VCL: variants seen among roughly 807,000 people sequenced by gnomAD.
The protein encoded by VCL is vinculin, also known as epididymis luminal protein 114.
VCL carries 47 observed loss-of-function variants against 125.7 expected under a neutral mutation model. The observed-to-expected ratio is 0.37, with a 90% confidence interval of 0.30 to 0.48. The LOEUF is 0.48. Ranked by LOEUF, VCL falls within the 20% of genes least tolerant of loss-of-function variation. The probability of loss-of-function intolerance (pLI) is 0.99; values close to 1 mark genes in which losing one functional copy is unlikely to be tolerated. For synonymous variants in VCL, 458 were observed against 514.6 expected, an observed-to-expected ratio of 0.89 and a Z score of 1.49; for missense variants, 1,069 against 1,455.5, an observed-to-expected ratio of 0.73 and a Z score of 4.32.
chr10:74,013,531 T>C (rs1332965813), intron 1 of VCL, among the ~76,000 whole-genome samples: 1 of 151,952 alleles, frequency 6.6e-6, no homozygotes, highest in Non-Finnish European at 1.5e-5. Flanking sequence ...ACTTTAGATA[T>C]AGATACTAGA....
intron 19 of VCL, 113 bp downstream of exon 19, chr10:74,112,225 G>A (rs919058133): frequency 2.0e-5 from 28 of 1,376,158 alleles, no homozygotes; most frequent in Admixed American, 1.3e-4. Flanking sequence ...TGAGCAGGGC[G>A]GGCATCTGTC....
In VCL at chr10:74,097,389, G is replaced by A; in HGVS notation, c.1872+57G>A. On this transcript the variant is annotated intron_variant, in intron 13 of 21. Transcript: ENST00000211998. The surrounding 1 kb of genome is among the most constrained non-coding windows in gnomAD (Gnocchi z 4.1). ...AGCCTGTGCTATAGGTATATGTAAA[G>A]GTGAAATGTGATTACAGTGGACATC... 3 of 1,596,012 alleles carry A rather than the reference G, an allele frequency of 1.9e-6. No individual in the cohort carries two copies. The highest frequency in any genetic ancestry group is 2.6e-6 in the Non-Finnish European group (3 of 1,173,762).
rs1441017178 is a variant in VCL at position 74,105,258 on chromosome 10, G to A, written c.2339G>A (p.Arg780His). The A allele has an allele frequency of 1.9e-6, 3 of 1,614,052 alleles. No individual in the cohort carries two copies. Among genetic ancestry groups the A allele is most frequent in the Admixed American group, 1.7e-5 (1 of 60,018 alleles). Reference sequence around the variant, plus strand: ...GAGAATTCCGAGGATCCCAAGTTCCGTGAGGCTGTGAAAGCTGCCTCTGAT... The same window carrying A: ...GAGAATTCCGAGGATCCCAAGTTCCATGAGGCTGTGAAAGCTGCCTCTGAT... ...EVENSEDPKF[R>H]EAVKAASDEL... The change falls in exon 16 of 22, where the codon CGT becomes CAT. Residue 780 changes from arginine to histidine, a missense_variant. Arg to His is a conservative substitution (Grantham distance 29, BLOSUM62 0). Transcript: ENST00000211998.
chr10:74,104,004 T>A, intron 15 of VCL, 76 bp downstream of exon 15: 1 of 1,420,778 alleles, frequency 7.0e-7, no homozygotes, highest in East Asian at 2.3e-5. Context: ...GGACTGGTTC[T>A]GTTACTCAGC....
chr10:73,998,425 G>C, intron 1 of VCL, 50 bp downstream of exon 1: 7 of 1,321,198 alleles, frequency 5.3e-6, no homozygotes, highest in Non-Finnish European at 6.7e-6. Flanking sequence ...GTATCCCCGG[G>C]GCCCCGGCCC....
rs1392784581 is a variant in VCL, at chr10:74,114,333, C to T, written c.3099C>T (p.Ala1033=). The change falls in exon 20 of 22, where the codon GCC becomes GCT. Residue 1033 remains alanine (A), a synonymous_variant. Coordinates refer to ENST00000211998, the MANE Select transcript of VCL (RefSeq NM_014000.3). ...CCTCAGATGAGGTGACTCGGTTGGC[C>T]AAGGAGGTTGCCAAGCAGTGCACAG... The part of the protein sequence containing the change: ...AKASDEVTRL[A]KEVAKQCTDK... 3.1e-6 allele frequency: 5 copies of T among 1,613,668 alleles called. No homozygotes were observed. The highest frequency in any genetic ancestry group is 4.2e-6 in the Non-Finnish European group (5 of 1,180,006).
intron 2 of VCL, among the ~76,000 whole-genome samples, chr10:74,061,293 A>C (rs1307375227): frequency 6.6e-6 from 1 of 152,192 alleles, no homozygotes; most frequent in African/African-American, 2.4e-5. Flanking sequence ...AATGCCATTA[A>C]ATTTTAATGT....
chr10:74,076,853 TAAG>T (rs1372963766), intron 6 of VCL: 6 of 152,642 alleles, frequency 3.9e-5, no homozygotes, highest in African/African-American at 1.2e-4. Context: ...CAAAAAGTAA[TAAG>T]GAGGAACAGG....
intron 16 of VCL, 24 bp downstream of exon 16, chr10:74,105,377 C>G (rs779135398): frequency 6.2e-7 from 1 of 1,611,842 alleles, no homozygotes. Context: ...GGCACTATGT[C>G]TCACCTCCAC....
At chr10:74,089,399 T>G in intron 9 of VCL, 50 bp downstream of exon 9, 1 of 1,607,974 alleles carries the variant, frequency 6.2e-7, no homozygotes, top group Non-Finnish European at 8.5e-7. Flanking sequence ...ATAAATATCC[T>G]AAGTCATAAA....
intron 1 of VCL, among the ~76,000 whole-genome samples, chr10:74,024,140 G>T (rs1840726250): frequency 6.6e-6 from 1 of 152,144 alleles, no homozygotes; most frequent in African/African-American, 2.4e-5. Context: ...GTGGCTGCCT[G>T]TGAGAAATGT....
At chr10:74,028,937 G>A (rs1006973758) in intron 1 of VCL, among the ~76,000 whole-genome samples, 8 of 151,952 alleles carry the variant, frequency 5.3e-5, no homozygotes, top group Admixed American at 1.3e-4. Context: ...ATTTTGGGAG[G>A]CCCCTGGAGT....
At chr10:74,013,197 A>G (rs1036158726) in intron 1 of VCL, among the ~76,000 whole-genome samples, 1 of 152,176 alleles carries the variant, frequency 6.6e-6, no homozygotes, top group Non-Finnish European at 1.5e-5. Flanking sequence ...GGAGAAATAT[A>G]TATCAGGCTG....
intron 18 of VCL, 44 bp downstream of exon 18, chr10:74,109,200 G>T (rs1432484867): frequency 6.2e-7 from 1 of 1,610,844 alleles, no homozygotes; most frequent in Non-Finnish European, 8.5e-7. Context: ...TGTCTTCTCG[G>T]AAAGGATGAA....
At chr10:74,052,653 A>G (rs1045762868) in intron 2 of VCL, among the ~76,000 whole-genome samples, 30 of 152,074 alleles carry the variant, frequency 2.0e-4, no homozygotes, top group African/African-American at 5.3e-4. Context: ...CTGAAATTAC[A>G]GGCGTGAGCC....
intron 2 of VCL, among the ~76,000 whole-genome samples, chr10:74,059,338 A>G (rs1310714749): frequency 6.6e-6 from 1 of 151,810 alleles, no homozygotes; most frequent in African/African-American, 2.4e-5. Flanking sequence ...CCTGGGTGAC[A>G]GAGCAAGACT....
In VCL at chr10:74,090,029, C is replaced by T. The variant is rs1839852914; in HGVS notation, c.1183C>T (p.Leu395Phe). The T allele has an allele frequency of 1.2e-6, 2 of 1,613,916 alleles. No individual in the cohort carries two copies. Among genetic ancestry groups the T allele is most frequent in the Non-Finnish European group, 1.7e-6 (2 of 1,179,994 alleles). The change falls in exon 10 of 22, where the codon CTT (leucine) becomes TTT (phenylalanine). Residue 395 changes from leucine (L) to phenylalanine (F), a missense_variant. By Grantham distance (22) the Leu-to-Phe change is conservative. Transcript: ENST00000211998. ...AKKIDAAQNW[L>F]ADPNGGPEGE... is the part of the protein sequence containing the mutation. ...TCTCCGTTTCTATGTGTAGAACTGGCTTGCAGATCCAAATGGTGGACCGGA... is the reference window on the plus strand; with the variant it reads ...TCTCCGTTTCTATGTGTAGAACTGGTTTGCAGATCCAAATGGTGGACCGGA...
At chr10:74,023,296 G>A (rs1373504840) in intron 1 of VCL, among the ~76,000 whole-genome samples, 2 of 152,216 alleles carry the variant, frequency 1.3e-5, no homozygotes, top group Admixed American at 1.3e-4. Flanking sequence ...ATTCAGAACA[G>A]TAACATGCTA....
At chr10:74,031,590 GACAAA>G (rs2136240468) in intron 1 of VCL, among the ~76,000 whole-genome samples, 1 of 152,190 alleles carries the variant, frequency 6.6e-6, no homozygotes, top group Non-Finnish European at 1.5e-5. Flanking sequence ...AGTAGCAAAA[GACAAA>G]ACAAAACAAC....
Sources: gnomAD v4.1 joint callset for allele counts (sites outside exome capture counted in the v4.1 genomes callset) on GRCh38, gnomAD v4.1.1 for gene constraint, Gnocchi (gnomAD v3.1) non-coding constraint, MANE v1.5 for transcripts, NCBI Gene and HGNC (gene_info 2026-07-23, HGNC 2026-07-21) for gene names.